RABGAP1L: variants seen among roughly 807,000 people sequenced by gnomAD.
The protein encoded by RABGAP1L is rab GTPase-activating protein 1-like.
In RABGAP1L, 63 loss-of-function variants were observed where a neutral mutation model predicts 137.7. The observed-to-expected ratio is 0.46, with a 90% CI of 0.37 to 0.56. The LOEUF is 0.56. RABGAP1L is among the 20% of genes least tolerant of loss of function. The pLI is 0.00. For synonymous variants in RABGAP1L, 431 were observed against 433.7 expected (o/e 0.99, Z 0.08); for missense variants, 1,095 against 1,244.0 (o/e 0.88, Z 1.80).
At chr1:174,196,268 G>A (rs1379170293) in intron 1 of RABGAP1L, among the ~76,000 whole-genome samples, 2 of 147,840 alleles carry the variant, frequency 1.4e-5, no homozygotes, top group Non-Finnish European at 3.0e-5. Flanking sequence ...CTGTCGCCCA[G>A]GCTGGAGTGC....
At chr1:174,609,495 C>A (rs75436586) in intron 13 of RABGAP1L, among the ~76,000 whole-genome samples, 3,440 of 152,134 alleles carry the variant, frequency 0.023, 61 homozygotes, top group Middle Eastern at 0.085. Context: ...GAATTTCAAA[C>A]GAGAGGAGGA....
At chr1:174,330,798 C>A (rs1680966285) in intron 11 of RABGAP1L, among the ~76,000 whole-genome samples, 1 of 151,970 alleles carries the variant, frequency 6.6e-6, no homozygotes, top group African/African-American at 2.4e-5. Context: ...CAATTTCTAT[C>A]AAAATTCCAA....
chr1:174,547,842 G>C, intron 13 of RABGAP1L: 1 of 1,526,146 alleles, frequency 6.6e-7, no homozygotes, highest in Non-Finnish European at 8.9e-7. Context: ...TTTAGCAACA[G>C]ATGAAATTTA....
chr1:174,174,195 T>TACACAC lies in RABGAP1L; in HGVS notation c.-34+14572_-34+14577dup, dbSNP rs56864336. 3.2e-3 allele frequency among the ~76,000 whole-genome samples: 464 copies of TACACAC among 145,666 alleles called. 3 individuals carry two copies. Among genetic ancestry groups the TACACAC allele is most frequent in the South Asian group, 4.9e-3 (22 of 4,500 alleles). The stretch of plus-strand genomic sequence containing the variant: ...AGCAATGAAGAAATTGGAAAAAAAA[T>TACACAC]ACACACACACACACACACACACACA... On this transcript the variant is annotated intron_variant, in intron 1 of 25. Coordinates refer to ENST00000681986, the MANE Select transcript of RABGAP1L (RefSeq NM_001366446.1).
At chr1:174,582,838 C>G (rs933170163) in intron 13 of RABGAP1L, among the ~76,000 whole-genome samples, 4 of 152,108 alleles carry the variant, frequency 2.6e-5, no homozygotes, top group Non-Finnish European at 4.4e-5. Context: ...TTCCTTTAAT[C>G]CAAGCATTTC....
intron 1 of RABGAP1L, among the ~76,000 whole-genome samples, chr1:174,160,984 A>G (rs1207385589): frequency 6.6e-6 from 1 of 152,154 alleles, no homozygotes; most frequent in African/African-American, 2.4e-5. Context: ...GAAATTGACA[A>G]TGAGATTTCT....
At chr1:174,662,180 T>C (rs1676435410) in intron 14 of RABGAP1L, among the ~76,000 whole-genome samples, 1 of 144,676 alleles carries the variant, frequency 6.9e-6, no homozygotes, top group African/African-American at 2.6e-5. Flanking sequence ...CTCTGCTCAC[T>C]GCAACCTCCG....
rs186316656 is a variant in RABGAP1L at position 174,669,737 on chromosome 1, T to C, written c.1825-13785T>C. On this transcript the variant is annotated intron_variant, in intron 14 of 25. Coordinates refer to ENST00000681986, the MANE Select transcript of RABGAP1L (RefSeq NM_001366446.1). Reference sequence around the variant, plus strand: ...TCAGAACCATGTATTGAAGAGACTGTTCTTTCCACATTGTATGTTCTTAGT... The same window carrying C: ...TCAGAACCATGTATTGAAGAGACTGCTCTTTCCACATTGTATGTTCTTAGT... Among the ~76,000 whole-genome samples, 30 of 152,346 alleles carry C rather than the reference T, an allele frequency of 2.0e-4. 1 individual carries two copies. In the East Asian group the frequency reaches 5.0e-3, roughly 25 times the overall value.
intron 18 of RABGAP1L, among the ~76,000 whole-genome samples, chr1:174,759,283 TAA>T (rs59159307): frequency 0.033 from 4,372 of 130,634 alleles, 74 homozygotes; most frequent in Middle Eastern, 0.1. Context: ...GTAATTTATT[TAA>T]AAAAAAAAAA....
intron 10 of RABGAP1L, among the ~76,000 whole-genome samples, chr1:174,286,677 A>T (rs1446550335): frequency 6.6e-6 from 1 of 151,852 alleles, no homozygotes; most frequent in East Asian, 1.9e-4. Flanking sequence ...CCCATAATTT[A>T]GACATTTATC....
At chr1:174,323,268 T>C (rs578050631) in intron 11 of RABGAP1L, among the ~76,000 whole-genome samples, 3 of 152,202 alleles carry the variant, frequency 2.0e-5, no homozygotes, top group Admixed American at 1.3e-4. Context: ...CTGTATATTA[T>C]ATATAAGGAA....
At chr1:174,365,605 T>G (rs1268661320) in intron 11 of RABGAP1L, among the ~76,000 whole-genome samples, 1 of 152,182 alleles carries the variant, frequency 6.6e-6, no homozygotes, top group Admixed American at 6.5e-5. Context: ...TATCCTCCGC[T>G]GTGACAGGGC....
Position 174,168,770 on chromosome 1 carries a change from C to A in RABGAP1L, c.-34+9113C>A, listed in dbSNP as rs1260512702. On this transcript the variant is annotated intron_variant, in intron 1 of 25. Coordinates refer to ENST00000681986, the MANE Select transcript of RABGAP1L (RefSeq NM_001366446.1). Reference sequence around the variant, plus strand: ...AATCCTAGGGTGACCTTTTTGCCAACACTAATGAACATAGAAAATTTTTCA... The same window carrying A: ...AATCCTAGGGTGACCTTTTTGCCAAAACTAATGAACATAGAAAATTTTTCA... 2.0e-5 allele frequency among the ~76,000 whole-genome samples: 3 copies of A among 152,130 alleles called. No individual in the cohort carries two copies. In the East Asian group the frequency reaches 5.8e-4, roughly 29 times the overall value.
intron 11 of RABGAP1L, among the ~76,000 whole-genome samples, chr1:174,352,168 C>T (rs868791428): frequency 6.6e-6 from 1 of 152,340 alleles, no homozygotes; most frequent in Non-Finnish European, 1.5e-5. Context: ...CTCTCTCTCT[C>T]TGCCTCCTCT....
chr1:174,705,456 A>G (rs1679979051), intron 17 of RABGAP1L: 1 of 152,190 alleles, frequency 6.6e-6, no homozygotes, highest in Admixed American at 6.5e-5. Context: ...GAAAGGTCAT[A>G]ATGTTCATTA....
At chr1:174,560,258 T>A (rs1667126309) in intron 13 of RABGAP1L, among the ~76,000 whole-genome samples, 1 of 152,220 alleles carries the variant, frequency 6.6e-6, no homozygotes, top group African/African-American at 2.4e-5. Flanking sequence ...TCCTGCAGAC[T>A]GCACTAAACT....
At position 174,204,459 on chromosome 1, in the gene RABGAP1L, G is replaced by T. The variant is rs190670812; in HGVS notation, c.-33-14666G>T. On this transcript the variant is annotated intron_variant, in intron 1 of 25. Transcript: ENST00000681986. ...TCCAATACTATTTTTAATAGGAGTGGTGAGAGAGGGCATCCTTGTGTTGTG... is the reference window on the plus strand; with the variant it reads ...TCCAATACTATTTTTAATAGGAGTGTTGAGAGAGGGCATCCTTGTGTTGTG... Among the ~76,000 whole-genome samples, 39 of 152,266 alleles carry T rather than the reference G, an allele frequency of 2.6e-4. No homozygotes were observed. The East Asian group carries it at 7.1e-3, about 28-fold the overall frequency.
chr1:174,449,087 C>G, intron 13 of RABGAP1L: 1 of 1,614,040 alleles, frequency 6.2e-7, no homozygotes, highest in Non-Finnish European at 8.5e-7. Context: ...CGTTTTCCGG[C>G]TAGGCCTCCG....
chr1:174,254,113 G>T (rs1352170535), intron 7 of RABGAP1L, among the ~76,000 whole-genome samples: 2 of 151,662 alleles, frequency 1.3e-5, no homozygotes, highest in Admixed American at 1.3e-4. Flanking sequence ...TTTTTTAGAA[G>T]GTAGGCTATC....
Sources: gnomAD v4.1 joint callset for allele counts (sites outside exome capture counted in the v4.1 genomes callset) on GRCh38, gnomAD v4.1.1 for gene constraint, MANE v1.5 for transcripts, NCBI Gene and HGNC (gene_info 2026-07-23, HGNC 2026-07-21) for gene names.